Variants in TRPV5 observed in about 807,000 individuals in gnomAD.
TRPV5 encodes calcium transport protein 2.
TRPV5 carries 66 observed loss-of-function variants against 74.1 expected under a neutral mutation model. The observed-to-expected ratio is 0.89, with a 90% CI of 0.73 to 1.09. TRPV5 has a LOEUF of 1.09. TRPV5 is among the 50% of genes least tolerant of loss of function. The pLI is 0.00. For synonymous variants in TRPV5, 399 were observed against 360.7 expected, an observed-to-expected ratio of 1.11 and a Z score of -1.20; for missense variants, 936 against 930.4, an observed-to-expected ratio of 1.01 and a Z score of -0.08.
chr7:142,929,190 A>G, intron 4 of TRPV5, 70 bp from the exon 5 acceptor site: 1 of 1,561,524 alleles, frequency 6.4e-7, no homozygotes, highest in South Asian at 1.2e-5. Context: ...TCTCCCCCAA[A>G]TAAGGGCCTC....
chr7:142,912,525 T>G lies in TRPV5; in HGVS notation c.1745A>C (p.His582Pro). ...NLFIAMMGDT[H>P]WRVAQERDEL... ...ATCCCTCTCCTGGGCCACCCTCCAGTGGGTGTCGCCCATCATGGCGATGAA... is the reference window on the plus strand; with the variant it reads ...ATCCCTCTCCTGGGCCACCCTCCAGGGGGTGTCGCCCATCATGGCGATGAA... The change falls in exon 13 of 15, where the codon CAC becomes CCC. Residue 582 changes from histidine to proline, a missense_variant. Coordinates refer to ENST00000265310, the MANE Select transcript of TRPV5 (RefSeq NM_019841.7). 6.2e-7 allele frequency: 1 copy of G among 1,614,174 alleles called. No individual in the cohort carries two copies. The highest frequency in any genetic ancestry group is 8.5e-7 in the Non-Finnish European group (1 of 1,180,026).
rs4252371 is a variant in TRPV5 at position 142,933,524 on chromosome 7, A to G, written c.-65T>C. On this transcript the variant is annotated 5_prime_UTR_variant, in exon 1 of 15. Coordinates refer to ENST00000265310, the MANE Select transcript of TRPV5 (RefSeq NM_019841.7). Reference sequence around the variant, plus strand: ...GCGAAAGAAACAGGTCTAGGATGACAGCAACTGAGCAAGAGATGGGGTCTA... The same window carrying G: ...GCGAAAGAAACAGGTCTAGGATGACGGCAACTGAGCAAGAGATGGGGTCTA... The G allele has an allele frequency of 1.5e-3, 2,284 of 1,565,654 alleles. 29 individuals carry two copies. The African/African-American group carries it at 0.027, about 19-fold the overall frequency.
chr7:142,927,439 C>G (rs1198228142), intron 7 of TRPV5, among the ~76,000 whole-genome samples: 4 of 152,214 alleles, frequency 2.6e-5, no homozygotes, highest in Non-Finnish European at 5.9e-5. Context: ...CTATAAAGAA[C>G]TACCTGGCAC....
At chr7:142,917,973 A>G (rs1207885190) in intron 8 of TRPV5, among the ~76,000 whole-genome samples, 1 of 152,240 alleles carries the variant, frequency 6.6e-6, no homozygotes, top group Admixed American at 6.5e-5. Context: ...TTTTCTTTAG[A>G]CTTTCTGGGG....
chr7:142,929,950 C>T (rs1181096088), intron 3 of TRPV5, 108 bp downstream of exon 3: 1 of 1,545,212 alleles, frequency 6.5e-7, no homozygotes, highest in East Asian at 2.2e-5. Flanking sequence ...ATCCTCCTGA[C>T]CCTCCATCAC....
chr7:142,928,501 T>C (rs1309266384), intron 6 of TRPV5, among the ~76,000 whole-genome samples, 190 bp downstream of exon 6: 1 of 152,210 alleles, frequency 6.6e-6, no homozygotes, highest in Non-Finnish European at 1.5e-5. Context: ...CAAATCCTCT[T>C]GAGTCAAGGA....
At position 142,915,017 on chromosome 7, in the gene TRPV5, G is replaced by T. The variant is rs374852876; in HGVS notation, c.1316C>A (p.Thr439Asn). The T allele has an allele frequency of 1.7e-5, 28 of 1,613,974 alleles. No individual in the cohort carries two copies. The highest frequency in any genetic ancestry group is 2.3e-5 in the Non-Finnish European group (27 of 1,180,014). Reference protein sequence around the residue: ...IITYASLVLVTMVMRLTNTNG... With the variant: ...IITYASLVLVNMVMRLTNTNG... ...GGTGTTGGTGAGCCGCATCACCATG[G>T]TCACCAGCACCAGGGAGGCATAGGT... Residue 439 changes from threonine to asparagine, a missense_variant, in exon 11 of 15, where the codon ACC becomes AAC. Coordinates refer to ENST00000265310, the MANE Select transcript of TRPV5 (RefSeq NM_019841.7).
chr7:142,927,227 TG>T (rs1388063162), intron 7 of TRPV5, among the ~76,000 whole-genome samples: 1 of 152,210 alleles, frequency 6.6e-6, no homozygotes, highest in Non-Finnish European at 1.5e-5. Context: ...TCTACCTCAA[TG>T]TGGCTGTCTG....
At chr7:142,913,591 G>A (rs1795743995) in intron 12 of TRPV5, among the ~76,000 whole-genome samples, 1 of 152,188 alleles carries the variant, frequency 6.6e-6, no homozygotes, top group Non-Finnish European at 1.5e-5. Flanking sequence ...GTACATAAGG[G>A]CTTGGGGTGG....
intron 13 of TRPV5, among the ~76,000 whole-genome samples, chr7:142,910,055 G>T (rs1372517053): frequency 6.6e-6 from 1 of 152,132 alleles, no homozygotes. Context: ...CTGCAAGTTG[G>T]CAGGGAAATT....
intron 8 of TRPV5, among the ~76,000 whole-genome samples, chr7:142,916,699 A>G (rs1229732862): frequency 6.6e-6 from 1 of 152,154 alleles, no homozygotes; most frequent in African/African-American, 2.4e-5. Flanking sequence ...AGGAACGGCA[A>G]TTATCCCTGC....
chr7:142,919,499 A>T (rs1486575927), intron 8 of TRPV5, among the ~76,000 whole-genome samples: 1 of 152,160 alleles, frequency 6.6e-6, no homozygotes, highest in African/African-American at 2.4e-5. Context: ...CTTTTCTGAA[A>T]TTTTCAGATT....
Position 142,914,315 on chromosome 7 carries a change from C to G in TRPV5, c.1519+325G>C, listed in dbSNP as rs377077862. ...ATGGTTTTCTGAGATCCATGACTGG[C>G]CAGTCTTTCCTGTTTAATGCCCTGT... On this transcript the variant is annotated intron_variant, in intron 12 of 14. Transcript: ENST00000265310. Among the ~76,000 whole-genome samples the G allele has an allele frequency of 1.2e-4, 18 of 152,232 alleles. No homozygotes were observed. In the East Asian group the frequency reaches 2.5e-3, roughly 21 times the overall value.
chr7:142,920,940 G>C (rs1239170448), intron 8 of TRPV5, among the ~76,000 whole-genome samples: 2 of 152,252 alleles, frequency 1.3e-5, no homozygotes, highest in Non-Finnish European at 2.9e-5. Flanking sequence ...TCAGTGCTCA[G>C]TGGATGTTAT....
At chr7:142,912,874 A>ATCTATCTT in intron 12 of TRPV5, 124 bp from the exon 13 acceptor site, 1 of 1,101,022 alleles carries the variant, frequency 9.1e-7, no homozygotes, top group East Asian at 2.5e-5. Context: ...CTATCTATCT[A>ATCTATCTT]TCTATCTAAA....
At chr7:142,927,328 C>T (rs1796005745) in intron 7 of TRPV5, among the ~76,000 whole-genome samples, 1 of 152,204 alleles carries the variant, frequency 6.6e-6, no homozygotes, top group African/African-American at 2.4e-5. Context: ...AGTTGATGAA[C>T]AGGAACTGTG....
intron 8 of TRPV5, among the ~76,000 whole-genome samples, chr7:142,918,478 A>G (rs1795832900): frequency 6.6e-6 from 1 of 152,210 alleles, no homozygotes; most frequent in Non-Finnish European, 1.5e-5. Context: ...CCCACCCCGC[A>G]CAATGCTTCT....
At chr7:142,913,729 T>C (rs868002457) in intron 12 of TRPV5, among the ~76,000 whole-genome samples, 3 of 152,206 alleles carry the variant, frequency 2.0e-5, no homozygotes, top group African/African-American at 4.8e-5. Context: ...GGAATCCCCA[T>C]TGAACGGGAA....
chr7:142,925,568 A>T lies in TRPV5; in HGVS notation c.1083T>A (p.His361Gln). 1.9e-6 allele frequency: 3 copies of T among 1,614,182 alleles called. No individual in the cohort carries two copies. Among genetic ancestry groups the T allele is most frequent in the Non-Finnish European group, 2.5e-6 (3 of 1,180,040 alleles). ...PLKFRGGNRTHSRDITILQQK... is the reference protein window; with the variant it reads ...PLKFRGGNRTQSRDITILQQK... ...GCTGGAGGATGGTGATGTCTCGAGA[A>T]TGAGTGCGGTTGCCACCACGAAACT... Residue 361 changes from histidine to glutamine, a missense_variant, in exon 8 of 15, where the codon CAT (histidine) becomes CAA (glutamine). Coordinates refer to ENST00000265310, the MANE Select transcript of TRPV5 (RefSeq NM_019841.7).
Sources: gnomAD v4.1 joint callset for allele counts (sites outside exome capture counted in the v4.1 genomes callset) on GRCh38, gnomAD v4.1.1 for gene constraint, MANE v1.5 for transcripts, NCBI Gene and HGNC (gene_info 2026-07-23, HGNC 2026-07-21) for gene names.